CCDC85A: variants seen among roughly 807,000 people sequenced by gnomAD.
CCDC85A encodes coiled-coil domain-containing protein 85A.
A neutral mutation model predicts 50.2 loss-of-function variants in CCDC85A; 38 were observed. The ratio of observed to expected loss-of-function variants is 0.76; its 90% CI spans 0.58 to 0.99. CCDC85A has a LOEUF of 0.99. CCDC85A is among the 50% of genes least tolerant of loss of function. CCDC85A has a pLI of 0.00. For synonymous variants in CCDC85A, 366 were observed against 301.4 expected (o/e 1.21, Z -2.22); for missense variants, 820 against 742.0 (o/e 1.11, Z -1.22).
chr2:56,385,335 T>TAG lies in CCDC85A; in HGVS notation c.*980_*981insAG, dbSNP rs1171393259. ...GCAGCTATCTAACATTTTATGAAAC[T>TAG]GACGCATGTCCTTCATTATTGAGGC... On this transcript the variant is annotated 3_prime_UTR_variant, in exon 6 of 6. Coordinates refer to ENST00000407595, the MANE Select transcript of CCDC85A (RefSeq NM_001080433.2). 12 of 152,416 alleles carry TAG rather than the reference T, an allele frequency of 7.9e-5. No homozygotes were observed. In the East Asian group the frequency reaches 2.3e-3, roughly 30 times the overall value. 9.4% of individuals were successfully genotyped at this position (152,416 alleles called of 1,614,324 possible).
chr2:56,283,154 T>G (rs1671281059), intron 2 of CCDC85A, among the ~76,000 whole-genome samples: 1 of 152,184 alleles, frequency 6.6e-6, no homozygotes, highest in Admixed American at 6.5e-5. Context: ...TTTATTGTGT[T>G]GATGTACATA....
At chr2:56,243,325 CT>C (rs1167375859) in intron 2 of CCDC85A, among the ~76,000 whole-genome samples, 1 of 151,574 alleles carries the variant, frequency 6.6e-6, no homozygotes, top group African/African-American at 2.4e-5. Context: ...CATTTTTTTT[CT>C]TTTTTTCTTT....
At chr2:56,208,870 A>G (rs968267099) in intron 2 of CCDC85A, among the ~76,000 whole-genome samples, 6 of 152,096 alleles carry the variant, frequency 3.9e-5, no homozygotes, top group Non-Finnish European at 5.9e-5. Context: ...TAAATACCAT[A>G]TAAAACAAAA....
chr2:56,305,530 T>TC (rs1672403933), intron 2 of CCDC85A, among the ~76,000 whole-genome samples: 1 of 152,242 alleles, frequency 6.6e-6, no homozygotes, highest in African/African-American at 2.4e-5. Context: ...GTATGCAACG[T>TC]CTACTGCCAG....
intron 2 of CCDC85A, among the ~76,000 whole-genome samples, chr2:56,324,057 T>C (rs1014585272): frequency 2.0e-5 from 3 of 152,164 alleles, no homozygotes; most frequent in African/African-American, 7.2e-5. Flanking sequence ...CCTATTGCTT[T>C]GTTCCATCTT....
intron 2 of CCDC85A, among the ~76,000 whole-genome samples, chr2:56,234,130 C>A (rs546993108): frequency 6.6e-6 from 1 of 152,164 alleles, no homozygotes; most frequent in African/African-American, 2.4e-5. Flanking sequence ...TAGAGGATAT[C>A]TGTCCATGTA....
chr2:56,366,068 G>A (rs917602943), intron 3 of CCDC85A, among the ~76,000 whole-genome samples: 4 of 152,080 alleles, frequency 2.6e-5, no homozygotes, highest in South Asian at 2.1e-4. Flanking sequence ...GTTCATCCAC[G>A]TTGTGACAAG....
Position 56,372,441 on chromosome 2 carries a change from G to C in CCDC85A, c.1415G>C (p.Gly472Ala). ...CGGCGGGTCTTGCAGTGGTGGCAAGGGTGCCGAGGAATAGGACGATGCCTG... is the reference window on the plus strand; with the variant it reads ...CGGCGGGTCTTGCAGTGGTGGCAAGCGTGCCGAGGAATAGGACGATGCCTG... Reference protein sequence around the residue: ...RARRVLQWWQGCRGIGRCLPT... With the variant: ...RARRVLQWWQACRGIGRCLPT... Residue 472 changes from glycine (G) to alanine (A), a missense_variant, in exon 4 of 6, where the codon GGG (glycine) becomes GCG (alanine). Coordinates refer to ENST00000407595, the MANE Select transcript of CCDC85A (RefSeq NM_001080433.2). 1 of 1,610,106 alleles carries C rather than the reference G, an allele frequency of 6.2e-7. No individual in the cohort carries two copies.
chr2:56,328,831 C>T (rs1673611353), intron 2 of CCDC85A, among the ~76,000 whole-genome samples: 1 of 152,106 alleles, frequency 6.6e-6, no homozygotes, highest in African/African-American at 2.4e-5. Context: ...ATGCACAACC[C>T]ACAGTCATCT....
At chr2:56,228,842 G>A (rs188545552) in intron 2 of CCDC85A, among the ~76,000 whole-genome samples, 113 of 152,160 alleles carry the variant, frequency 7.4e-4, no homozygotes, top group Admixed American at 1.2e-3. Flanking sequence ...CCTTTCTCCC[G>A]TTTATTTCCT....
intron 2 of CCDC85A, among the ~76,000 whole-genome samples, chr2:56,244,366 T>C (rs939935540): frequency 8.5e-5 from 13 of 152,068 alleles, no homozygotes; most frequent in African/African-American, 3.1e-4. Flanking sequence ...CCGTGGGAAG[T>C]ACTGCCAGGG....
rs1385419359 is a variant in CCDC85A at position 56,302,495 on chromosome 2, A to AAAGAC, written c.1241-40382_1241-40378dup. On this transcript the variant is annotated intron_variant, in intron 2 of 5. Coordinates refer to ENST00000407595, the MANE Select transcript of CCDC85A (RefSeq NM_001080433.2). ...ATGAATTATTTTTCTGTCACCTGAC[A>AAAGAC]AAGACAGAAATGGGCATGATCTCTA... 3.3e-5 allele frequency among the ~76,000 whole-genome samples: 5 copies of AAAGAC among 152,208 alleles called. No homozygotes were observed. In the East Asian group the frequency reaches 9.6e-4, roughly 29 times the overall value.
intron 2 of CCDC85A, among the ~76,000 whole-genome samples, chr2:56,330,450 G>GTAC (rs1419015631): frequency 1.3e-5 from 2 of 152,176 alleles, no homozygotes; most frequent in Non-Finnish European, 2.9e-5. Flanking sequence ...GCTTCAAACT[G>GTAC]TCCTGGGAGC....
intron 1 of CCDC85A, among the ~76,000 whole-genome samples, chr2:56,189,545 CCTCCCAA>C: frequency 6.6e-6 from 1 of 152,158 alleles, no homozygotes; most frequent in East Asian, 1.9e-4. Flanking sequence ...CCCACCTCGG[CCTCCCAA>C]AGTGTTGGGA....
rs575293151 is a variant in CCDC85A at position 56,380,757 on chromosome 2, A to T, written c.1573-3509A>T. Among the ~76,000 whole-genome samples, 4 of 152,262 alleles carry T rather than the reference A, an allele frequency of 2.6e-5. 1 individual carries two copies. The highest frequency in any genetic ancestry group is 9.6e-5 in the African/African-American group (4 of 41,572). On this transcript the variant is annotated intron_variant, in intron 5 of 5. Coordinates refer to ENST00000407595, the MANE Select transcript of CCDC85A (RefSeq NM_001080433.2). The stretch of plus-strand genomic sequence containing the variant: ...TAATATTTTGAGTAATATACATGGG[A>T]TGTATCATTTAGTCAATAATATAAA...
At chr2:56,203,365 G>GTT (rs5831404) in intron 2 of CCDC85A, among the ~76,000 whole-genome samples, 27 of 146,070 alleles carry the variant, frequency 1.8e-4, no homozygotes, top group East Asian at 1.0e-3. Context: ...TGAAAATTGT[G>GTT]TTTTTTTTTT....
intron 3 of CCDC85A, among the ~76,000 whole-genome samples, chr2:56,355,814 T>C (rs1675196396): frequency 6.6e-6 from 1 of 152,208 alleles, no homozygotes; most frequent in Admixed American, 6.5e-5. Context: ...GGTATTGTCT[T>C]TTCATGACCT....
intron 2 of CCDC85A, among the ~76,000 whole-genome samples, chr2:56,225,088 CA>C (rs200428811): frequency 5.0e-4 from 23 of 45,616 alleles, no homozygotes; most frequent in Admixed American, 3.5e-3. Flanking sequence ...CATTTTTGTT[CA>C]TTTTTTTTTT....
intron 3 of CCDC85A, among the ~76,000 whole-genome samples, chr2:56,347,655 T>A (rs1426730664): frequency 3.9e-5 from 6 of 152,180 alleles, no homozygotes; most frequent in Non-Finnish European, 7.3e-5. Context: ...CACCCCTGCA[T>A]GGAAAATTTA....
Sources: gnomAD v4.1 joint callset for allele counts (sites outside exome capture counted in the v4.1 genomes callset) on GRCh38, gnomAD v4.1.1 for gene constraint, MANE v1.5 for transcripts, NCBI Gene and HGNC (gene_info 2026-07-23, HGNC 2026-07-21) for gene names.